HIP1: variants seen among roughly 807,000 people sequenced by gnomAD.
HIP1 encodes the protein huntingtin interacting protein 1.
A neutral mutation model predicts 147.6 loss-of-function variants in HIP1; 65 were observed. That is an observed-to-expected ratio of 0.44 (90% CI 0.36 to 0.54). The LOEUF (loss-of-function observed/expected upper bound fraction) is 0.54. HIP1 is among the 20% of genes least tolerant of loss of function. The pLI, the probability that HIP1 is intolerant of heterozygous loss-of-function variation, is 0.00. For missense variants in HIP1, 1,061 were observed against 1,299.6 expected, an observed-to-expected ratio of 0.82 and a Z score of 2.82; for synonymous variants, 479 against 504.0, an observed-to-expected ratio of 0.95 and a Z score of 0.67.
intron 1 of HIP1, among the ~76,000 whole-genome samples, chr7:75,604,592 C>T (rs1398964615): frequency 6.6e-6 from 1 of 152,000 alleles, no homozygotes; most frequent in Non-Finnish European, 1.5e-5. Flanking sequence ...CTTGAGCGAT[C>T]CAGGCATTGG....
chr7:75,599,368 G>A (rs990266013), intron 1 of HIP1, 121 bp from the exon 2 acceptor site: 19 of 766,200 alleles, frequency 2.5e-5, no homozygotes, highest in African/African-American at 1.4e-4. Context: ...CCAGCCCCAC[G>A]GGTGGTCGGT....
At chr7:75,622,885 CTA>C (rs1797897986) in intron 1 of HIP1, among the ~76,000 whole-genome samples, 1 of 127,218 alleles carries the variant, frequency 7.9e-6, no homozygotes, top group Non-Finnish European at 1.6e-5. Context: ...ATCTATCTAT[CTA>C]TCTATCTATA....
intron 1 of HIP1, among the ~76,000 whole-genome samples, chr7:75,708,989 ATG>A (rs1194663875): frequency 1.9e-4 from 29 of 151,672 alleles, no homozygotes; most frequent in Non-Finnish European, 2.9e-4. Context: ...TGAACATGGG[ATG>A]TGTTTCCTTT....
chr7:75,582,180 G>A (rs1221847960), intron 5 of HIP1, 29 bp from the exon 6 acceptor site: 4 of 1,582,532 alleles, frequency 2.5e-6, no homozygotes, highest in African/African-American at 2.7e-5. Flanking sequence ...AAGGGAGTCA[G>A]GGCAGAAGAC....
chr7:75,664,329 C>G (rs1799469276), intron 1 of HIP1, among the ~76,000 whole-genome samples: 1 of 138,752 alleles, frequency 7.2e-6, no homozygotes, highest in East Asian at 2.2e-4. Context: ...CATACACATG[C>G]ATATATATGT....
chr7:75,556,207 T>C (rs200738186), intron 17 of HIP1, 38 bp from the exon 18 acceptor site: 29 of 1,608,138 alleles, frequency 1.8e-5, no homozygotes, highest in Non-Finnish European at 2.2e-5. Context: ...GAGACGCTGG[T>C]TGAGTTAAAC....
At chr7:75,647,914 A>G (rs1220692671) in intron 1 of HIP1, among the ~76,000 whole-genome samples, 4 of 152,266 alleles carry the variant, frequency 2.6e-5, no homozygotes, top group African/African-American at 9.6e-5. Flanking sequence ...GGTGAGTTCT[A>G]TGCTGGAAGC....
At chr7:75,648,031 A>G (rs1798859857) in intron 1 of HIP1, among the ~76,000 whole-genome samples, 1 of 152,208 alleles carries the variant, frequency 6.6e-6, no homozygotes, top group Non-Finnish European at 1.5e-5. Flanking sequence ...ACAGAAAGAC[A>G]GCACAGGCTG....
At position 75,562,926 on chromosome 7, in the gene HIP1, G is replaced by A. The variant is rs1554494840; in HGVS notation, c.1020+9C>T. ...GAAAGGCCAAGTTTCTCTCCCAAGT[G>A]GTCCTCACCTGCTGAGAGGCATCCA... On this transcript the variant is annotated intron_variant, in intron 11 of 30. Coordinates refer to ENST00000336926, the MANE Select transcript of HIP1 (RefSeq NM_005338.7). The A allele has an allele frequency of 6.2e-7, 1 of 1,613,760 alleles. No individual in the cohort carries two copies.
intron 1 of HIP1, among the ~76,000 whole-genome samples, chr7:75,717,101 G>A (rs532726522): frequency 1.3e-5 from 2 of 152,098 alleles, no homozygotes; most frequent in African/African-American, 4.8e-5. Flanking sequence ...TTACAGGCAT[G>A]AGTCACCATG....
chr7:75,594,446 C>T (rs782725408), intron 2 of HIP1, among the ~76,000 whole-genome samples: 20 of 152,038 alleles, frequency 1.3e-4, no homozygotes, highest in Non-Finnish European at 2.9e-4. Context: ...CAAACACACC[C>T]ACCCTCTGCA....
intron 2 of HIP1, among the ~76,000 whole-genome samples, chr7:75,595,187 CCTTTCTTTCTTTCTTTCTTTCTTT>C (rs587760351): frequency 3.8e-4 from 41 of 108,470 alleles, no homozygotes; most frequent in South Asian, 1.6e-3. Flanking sequence ...GTGTAGGAGT[CCTTTCTTTCTTTCTTTCTTTCTTT>C]CTTTCTTTCT....
Position 75,581,302 on chromosome 7 carries a change from G to C in HIP1, c.543-4C>G. The C allele has an allele frequency of 2.5e-6, 4 of 1,610,068 alleles. No homozygotes were observed. The highest frequency in any genetic ancestry group is 3.4e-6 in the Non-Finnish European group (4 of 1,177,738). Reference sequence around the variant, plus strand: ...CATCTCCACTGTTAACTGGAAACTGGACCCAAGAGGAAAGAGAGCTTACAC... The same window carrying C: ...CATCTCCACTGTTAACTGGAAACTGCACCCAAGAGGAAAGAGAGCTTACAC... On this transcript the variant is annotated splice_region_variant and splice_polypyrimidine_tract_variant and intron_variant, in intron 6 of 30. Transcript: ENST00000336926.
chr7:75,680,383 C>T (rs1266749746), intron 1 of HIP1, among the ~76,000 whole-genome samples: 1 of 152,154 alleles, frequency 6.6e-6, no homozygotes, highest in South Asian at 2.1e-4. Context: ...TTTCTCTCTG[C>T]CTCTGTGGTC....
At chr7:75,704,723 G>A (rs781877725) in intron 1 of HIP1, among the ~76,000 whole-genome samples, 10 of 151,672 alleles carry the variant, frequency 6.6e-5, no homozygotes, top group South Asian at 2.1e-4. Flanking sequence ...ACAGGCACCC[G>A]CCATCATGCC....
At position 75,719,277 on chromosome 7, in the gene HIP1, G is replaced by A. The variant is rs553707846; in HGVS notation, c.120+19524C>T. ...CCCAGCACTTTGGGAGGCCAAGGCGGGCGGATCATGAGGTCAGGAGATCAA... is the reference window on the plus strand; with the variant it reads ...CCCAGCACTTTGGGAGGCCAAGGCGAGCGGATCATGAGGTCAGGAGATCAA... On this transcript the variant is annotated intron_variant, in intron 1 of 30. Transcript: ENST00000336926. 5.9e-5 allele frequency among the ~76,000 whole-genome samples: 9 copies of A among 152,226 alleles called. No individual in the cohort carries two copies. The South Asian group carries it at 1.9e-3, about 32-fold the overall frequency.
At chr7:75,656,559 C>T (rs928702792) in intron 1 of HIP1, among the ~76,000 whole-genome samples, 3 of 152,092 alleles carry the variant, frequency 2.0e-5, no homozygotes, top group Non-Finnish European at 4.4e-5. Context: ...CTCACCGCAA[C>T]CTCTGCCTCC....
intron 4 of HIP1, among the ~76,000 whole-genome samples, chr7:75,588,802 CA>C (rs200401001): frequency 1.3e-5 from 2 of 151,170 alleles, no homozygotes; most frequent in Non-Finnish European, 2.9e-5. Context: ...CCTTCCCCCG[CA>C]AAAAACAAGC....
At chr7:75,559,986 G>A in intron 13 of HIP1, 71 bp from the exon 14 acceptor site, 2 of 1,406,168 alleles carry the variant, frequency 1.4e-6, no homozygotes, top group East Asian at 4.9e-5. Flanking sequence ...CGGAGAAGCG[G>A]GTCCTACCAT....
Sources: gnomAD v4.1 joint callset for allele counts (sites outside exome capture counted in the v4.1 genomes callset) on GRCh38, gnomAD v4.1.1 for gene constraint, MANE v1.5 for transcripts, NCBI Gene and HGNC (gene_info 2026-07-23, HGNC 2026-07-21) for gene names.